Variants in DSCAM observed in about 807,000 individuals in gnomAD.
DSCAM encodes DS cell adhesion molecule, also known as cell adhesion molecule DSCAM.
A neutral mutation model predicts 217.7 loss-of-function variants in DSCAM; 47 were observed. The observed-to-expected ratio is 0.22, with a 90% CI of 0.17 to 0.28. DSCAM has a LOEUF of 0.28. DSCAM is among the 10% of genes least tolerant of loss of function. The pLI is 1.00. For missense variants in DSCAM, 2,080 were observed against 2,618.3 expected, an observed-to-expected ratio of 0.79 and a Z score of 4.49; for synonymous variants, 1,056 against 1,015.3, an observed-to-expected ratio of 1.04 and a Z score of -0.76.
At chr21:40,248,313 G>A (rs2073255274) in intron 11 of DSCAM, among the ~76,000 whole-genome samples, 1 of 152,164 alleles carries the variant, frequency 6.6e-6, no homozygotes, top group Non-Finnish European at 1.5e-5. Flanking sequence ...TTGTCAGGCT[G>A]CAAATTTTCC....
intron 3 of DSCAM, among the ~76,000 whole-genome samples, chr21:40,492,324 T>C (rs7279245): frequency 0.089 from 13,483 of 152,134 alleles, 696 homozygotes; most frequent in Middle Eastern, 0.16. Context: ...AAAGAACTAA[T>C]TGAGAACAGG....
At chr21:40,613,012 G>A in intron 3 of DSCAM, among the ~76,000 whole-genome samples, 1 of 152,086 alleles carries the variant, frequency 6.6e-6, no homozygotes, top group East Asian at 1.9e-4. Context: ...GAGTATTGGT[G>A]GCCACTTGAC....
Position 40,801,459 on chromosome 21 carries a change from G to T in DSCAM, c.43+45160C>A, listed in dbSNP as rs141427120. On this transcript the variant is annotated intron_variant, in intron 1 of 32. Transcript: ENST00000400454. ...ATTAGTATGAATAGAAGGGAGCCAG[G>T]TGCTTTTCCTCAAGATAGCAGAAAA... is the stretch of plus-strand genomic sequence containing the variant. Among the ~76,000 whole-genome samples the T allele has an allele frequency of 6.3e-4, 96 of 152,258 alleles. 1 individual carries two copies. The highest frequency in any genetic ancestry group is 6.8e-3 in the Middle Eastern group (2 of 294).
In DSCAM at chr21:40,256,424, C is replaced by CAG. The variant is rs371266280; in HGVS notation, c.2356+19671_2356+19672dup. Among the ~76,000 whole-genome samples the CAG allele has an allele frequency of 6.6e-4, 95 of 143,422 alleles. No individual in the cohort carries two copies. The South Asian group carries it at 7.3e-3, about 11-fold the overall frequency. 94.1% of individuals were successfully genotyped at this position (143,422 alleles called of 152,430 possible). A position where few individuals can be genotyped will look rare whatever the true frequency, so the allele number is the denominator to read the frequency against. On this transcript the variant is annotated intron_variant, in intron 11 of 32. Transcript: ENST00000400454. ...ACAGACAGAGAGAGAGAGAGAGAGA[C>CAG]AGAGAGAGAGAGAGACACACACAGA...
chr21:40,562,731 G>A (rs2076730148), intron 3 of DSCAM, among the ~76,000 whole-genome samples: 1 of 152,172 alleles, frequency 6.6e-6, no homozygotes, highest in African/African-American at 2.4e-5. Context: ...GCCTGGGAAA[G>A]CCAAAGCCCT....
chr21:40,190,292 C>A (rs1429821151), intron 11 of DSCAM, among the ~76,000 whole-genome samples: 1 of 152,114 alleles, frequency 6.6e-6, no homozygotes, highest in Non-Finnish European at 1.5e-5. Flanking sequence ...CTGCATATGA[C>A]AAACACCTTT....
At chr21:40,712,575 G>A (rs2146491227) in intron 1 of DSCAM, among the ~76,000 whole-genome samples, 1 of 150,464 alleles carries the variant, frequency 6.6e-6, no homozygotes, top group East Asian at 2.0e-4. Flanking sequence ...ATAGCCCTAA[G>A]CCTAATGCCT....
At chr21:40,093,682 G>A in intron 21 of DSCAM, 39 bp downstream of exon 21, 1 of 1,611,340 alleles carries the variant, frequency 6.2e-7, no homozygotes, top group Non-Finnish European at 8.5e-7. Flanking sequence ...AAACAGTCAA[G>A]TTACAACAGG....
chr21:40,655,391 C>A (rs1287944578), intron 3 of DSCAM, among the ~76,000 whole-genome samples: 1 of 151,898 alleles, frequency 6.6e-6, no homozygotes, highest in Non-Finnish European at 1.5e-5. Context: ...TATAGCTGCA[C>A]CTTTACATGG....
intron 11 of DSCAM, among the ~76,000 whole-genome samples, chr21:40,261,823 T>C (rs925057618): frequency 6.6e-6 from 1 of 152,198 alleles, no homozygotes; most frequent in African/African-American, 2.4e-5. Flanking sequence ...TTTAATGTTA[T>C]GGATTTAATG....
intron 16 of DSCAM, among the ~76,000 whole-genome samples, chr21:40,159,523 T>C (rs997106926): frequency 6.6e-6 from 1 of 152,198 alleles, no homozygotes; most frequent in African/African-American, 2.4e-5. Flanking sequence ...GATAAAACTG[T>C]CTAAGATGGT....
intron 1 of DSCAM, among the ~76,000 whole-genome samples, chr21:40,840,727 A>T (rs1454535324): frequency 2.0e-5 from 3 of 152,134 alleles, no homozygotes; most frequent in African/African-American, 7.2e-5. Flanking sequence ...CGACAGAAAA[A>T]GGTGGGTAGA....
At chr21:40,141,264 T>C (rs938362439) in intron 18 of DSCAM, among the ~76,000 whole-genome samples, 1 of 152,120 alleles carries the variant, frequency 6.6e-6, no homozygotes, top group Non-Finnish European at 1.5e-5. Context: ...CTTGACCGCA[T>C]TTGCCCAAAA....
Position 40,592,783 on chromosome 21 carries a change from A to G in DSCAM, c.508+100027T>C, listed in dbSNP as rs181333462. 1.4e-4 allele frequency among the ~76,000 whole-genome samples: 22 copies of G among 152,284 alleles called. No individual in the cohort carries two copies. The East Asian group carries it at 2.5e-3, about 17-fold the overall frequency. ...TTTTCTTCACCGCACTTGTATCACC[A>G]TGGATTATATGTTTATTGTCCTTCC... On this transcript the variant is annotated intron_variant, in intron 3 of 32. Coordinates refer to ENST00000400454, the MANE Select transcript of DSCAM (RefSeq NM_001389.5).
intron 4 of DSCAM, among the ~76,000 whole-genome samples, chr21:40,366,568 T>C (rs1181586668): frequency 1.3e-5 from 2 of 152,188 alleles, no homozygotes; most frequent in Admixed American, 1.3e-4. Context: ...TTCATATGAT[T>C]TGTCAGTATT....
chr21:40,552,042 A>G (rs1354854867), intron 3 of DSCAM, among the ~76,000 whole-genome samples: 10 of 152,162 alleles, frequency 6.6e-5, no homozygotes, highest in Non-Finnish European at 1.3e-4. Context: ...CCAGCTGGGC[A>G]TGGTGGCTCA....
At chr21:40,267,747 T>G (rs2123351251) in intron 11 of DSCAM, among the ~76,000 whole-genome samples, 1 of 152,140 alleles carries the variant, frequency 6.6e-6, no homozygotes, top group African/African-American at 2.4e-5. Context: ...AATATAAAAC[T>G]TAGACGGGCA....
In DSCAM at chr21:40,490,679, G is replaced by A. The variant is rs572724457; in HGVS notation, c.509-121434C>T. On this transcript the variant is annotated intron_variant, in intron 3 of 32. Coordinates refer to ENST00000400454, the MANE Select transcript of DSCAM (RefSeq NM_001389.5). ...GTGCAGGCAGGAGCTTCTGGCACTT[G>A]GTAGGATGAGGACCAATTGTTAATG... 2.6e-5 allele frequency among the ~76,000 whole-genome samples: 4 copies of A among 152,284 alleles called. No individual in the cohort carries two copies. In the South Asian group the frequency reaches 6.2e-4, roughly 24 times the overall value.
intron 3 of DSCAM, among the ~76,000 whole-genome samples, chr21:40,476,371 G>C (rs533445997): frequency 6.6e-6 from 1 of 152,262 alleles, no homozygotes; most frequent in Non-Finnish European, 1.5e-5. Flanking sequence ...ATAACCCATT[G>C]AGTTGTTATA....
Sources: gnomAD v4.1 joint callset for allele counts (sites outside exome capture counted in the v4.1 genomes callset) on GRCh38, gnomAD v4.1.1 for gene constraint, MANE v1.5 for transcripts, NCBI Gene and HGNC (gene_info 2026-07-23, HGNC 2026-07-21) for gene names.